PCDHA5: variants seen among roughly 807,000 people sequenced by gnomAD.
The protein encoded by PCDHA5 is protocadherin alpha 5, also known as protocadherin alpha-5.
PCDHA5 carries 43 observed loss-of-function variants against 61.6 expected under a neutral mutation model. That is an observed-to-expected ratio of 0.70 (90% CI 0.55 to 0.90). The LOEUF (loss-of-function observed/expected upper bound fraction) is 0.90, where lower values mean the gene tolerates loss of function less well. Among genes scored for constraint, PCDHA5 ranks in the 40% least tolerant of loss-of-function variants. PCDHA5 has a pLI of 0.00. For missense variants in PCDHA5, 1,298 were observed against 1,222.7 expected (o/e 1.06, Z -0.92); for synonymous variants, 627 against 543.9 (o/e 1.15, Z -2.13).
chr5:141,009,650 C>G lies in PCDHA5; in HGVS notation c.2524C>G (p.Pro842Ala). Residue 842 changes from proline to alanine, a missense_variant, in exon 4 of 4, where the codon CCT becomes GCT. Transcript: ENST00000529859. The part of the protein sequence containing the change: ...TPEPEAGEVS[P>A]PVGAGVNSNS... ...AGAACCAGAGGCAGGAGAAGTGTCCCCTCCAGTCGGTGCGGGTGTCAACAG... is the reference window on the plus strand; with the variant it reads ...AGAACCAGAGGCAGGAGAAGTGTCCGCTCCAGTCGGTGCGGGTGTCAACAG... 1 of 1,613,886 alleles carries G rather than the reference C, an allele frequency of 6.2e-7. No individual in the cohort carries two copies. Among genetic ancestry groups the G allele is most frequent in the Non-Finnish European group, 8.5e-7 (1 of 1,179,918 alleles).
rs781863404 is a variant in PCDHA5, at chr5:141,010,259, G to C, written c.*322G>C. 6.4e-7 allele frequency: 1 copy of C among 1,551,820 alleles called. No individual in the cohort carries two copies. The highest frequency in any genetic ancestry group is 1.2e-5 in the South Asian group (1 of 84,074). On this transcript the variant is annotated 3_prime_UTR_variant, in exon 4 of 4. Coordinates refer to ENST00000529859, the MANE Select transcript of PCDHA5 (RefSeq NM_018908.3). Reference sequence around the variant, plus strand: ...TGAGAGGTTGGACTCTCTGCCCTGTGCTCCGGGGATCCTGTCTTGATGACA... The same window carrying C: ...TGAGAGGTTGGACTCTCTGCCCTGTCCTCCGGGGATCCTGTCTTGATGACA...
chr5:140,842,130 A>C (rs2150330073), intron 1 of PCDHA5: 1 of 1,613,892 alleles, frequency 6.2e-7, no homozygotes, highest in Non-Finnish European at 8.5e-7. Flanking sequence ...TCTGATCCGG[A>C]TGAAGGAGCC....
At chr5:140,857,435 G>A (rs912006741) in intron 1 of PCDHA5, 4 of 1,598,574 alleles carry the variant, frequency 2.5e-6, no homozygotes, top group Admixed American at 3.4e-5. Flanking sequence ...CACGGTGTTC[G>A]TGAAGGAGAA....
chr5:140,921,741 A>AT (rs1554200411), intron 1 of PCDHA5, among the ~76,000 whole-genome samples: 1 of 152,202 alleles, frequency 6.6e-6, no homozygotes, highest in Non-Finnish European at 1.5e-5. Context: ...AATTATAAGC[A>AT]TAACAGGACA....
In PCDHA5 at chr5:140,978,014, A is replaced by C. The variant is rs939579655; in HGVS notation, c.2353-935A>C. ...AGTGTCACAAGTTTTTCACAGTGAC[A>C]TTTTTGCTTACTGATACAAGACAGT... On this transcript the variant is annotated intron_variant, in intron 1 of 3. Transcript: ENST00000529859. Among the ~76,000 whole-genome samples, 9 of 152,256 alleles carry C rather than the reference A, an allele frequency of 5.9e-5. 1 individual carries two copies. The highest frequency in any genetic ancestry group is 2.2e-4 in the African/African-American group (9 of 41,540).
At chr5:140,973,959 G>A (rs782474164) in intron 1 of PCDHA5, among the ~76,000 whole-genome samples, 2 of 152,198 alleles carry the variant, frequency 1.3e-5, no homozygotes, top group Admixed American at 6.5e-5. Flanking sequence ...TTTTACAGGT[G>A]TCTTTAAATG....
intron 1 of PCDHA5, chr5:140,842,671 C>A: frequency 1.9e-6 from 3 of 1,595,454 alleles, no homozygotes; most frequent in Non-Finnish European, 2.6e-6. Flanking sequence ...ACGTGAACGA[C>A]AATGCTCCGG....
chr5:140,897,613 A>C (rs1252972033), intron 1 of PCDHA5, among the ~76,000 whole-genome samples: 2 of 152,052 alleles, frequency 1.3e-5, no homozygotes, highest in Non-Finnish European at 2.9e-5. Flanking sequence ...GTTGGTTCCA[A>C]GTCTTTACTA....
rs1256665914 is a variant in PCDHA5 at position 140,917,331 on chromosome 5, G to A, written c.2353-61618G>A. On this transcript the variant is annotated intron_variant, in intron 1 of 3. Transcript: ENST00000529859. ...AATTTGGTGTTCATGTGGCGGGGGA[G>A]GGGGGGGATGGTGTAGGCTTCTGTT... Among the ~76,000 whole-genome samples the A allele has an allele frequency of 5.8e-5, 8 of 137,654 alleles. 1 individual carries two copies. The East Asian group carries it at 6.7e-4, about 12-fold the overall frequency. 90.3% of individuals were successfully genotyped at this position (137,654 alleles called of 152,430 possible).
intron 1 of PCDHA5, chr5:140,854,321 C>A: frequency 3.7e-6 from 1 of 267,696 alleles, no homozygotes; most frequent in Non-Finnish European, 5.7e-6. Context: ...TGATCAATGG[C>A]AAACTTATTT....
intron 1 of PCDHA5, chr5:140,860,447 A>T (rs1242809569): frequency 6.6e-6 from 1 of 152,198 alleles, no homozygotes; most frequent in East Asian, 1.9e-4. Context: ...TTTCATATTA[A>T]TTCACGTGAT....
intron 1 of PCDHA5, among the ~76,000 whole-genome samples, chr5:140,914,821 A>G (rs1046692794): frequency 6.6e-6 from 1 of 152,212 alleles, no homozygotes; most frequent in Non-Finnish European, 1.5e-5. Flanking sequence ...AACAGACTGC[A>G]TAAACAAAAA....
At chr5:140,833,795 C>G (rs959887752) in intron 1 of PCDHA5, among the ~76,000 whole-genome samples, 2 of 152,096 alleles carry the variant, frequency 1.3e-5, no homozygotes, top group African/African-American at 4.8e-5. Context: ...TTTCATCAAT[C>G]AGTAGATTCT....
At chr5:141,004,156 A>G (rs2098155888) in intron 3 of PCDHA5, among the ~76,000 whole-genome samples, 1 of 152,248 alleles carries the variant, frequency 6.6e-6, no homozygotes, top group Admixed American at 6.5e-5. Flanking sequence ...GACATTTTAT[A>G]GGCAAAGCCA....
intron 1 of PCDHA5, chr5:140,928,551 G>A (rs782615304): frequency 2.5e-6 from 4 of 1,614,044 alleles, no homozygotes; most frequent in Non-Finnish European, 2.5e-6. Context: ...ACAATTATCC[G>A]GTTATCTTGT....
intron 1 of PCDHA5, chr5:140,967,662 A>G: frequency 6.2e-7 from 1 of 1,614,192 alleles, no homozygotes; most frequent in Non-Finnish European, 8.5e-7. Context: ...TTGAGCAGCT[A>G]CACGTCGGAC....
intron 1 of PCDHA5, among the ~76,000 whole-genome samples, chr5:140,901,201 G>A (rs2068505084): frequency 6.6e-6 from 1 of 152,038 alleles, no homozygotes; most frequent in Admixed American, 6.6e-5. Context: ...CTGTGCAGAA[G>A]GTTTTTAAGT....
intron 1 of PCDHA5, among the ~76,000 whole-genome samples, chr5:140,899,649 G>T (rs1405894081): frequency 6.6e-6 from 1 of 152,130 alleles, no homozygotes; most frequent in Non-Finnish European, 1.5e-5. Flanking sequence ...CTCTTATTTG[G>T]TTGTGTCTCT....
Position 140,855,947 on chromosome 5 carries a change from T to A in PCDHA5, c.2352+31820T>A. On this transcript the variant is annotated intron_variant, in intron 1 of 3. Transcript: ENST00000529859. Reference sequence around the variant, plus strand: ...TAGCGTCATTCTGAGATCTCAGCCATTTCGATAAAAAATAGATATAAGAAA... The same window carrying A: ...TAGCGTCATTCTGAGATCTCAGCCAATTCGATAAAAAATAGATATAAGAAA... 2.9e-6 allele frequency: 4 copies of A among 1,358,712 alleles called. No homozygotes were observed. In the Admixed American group the frequency reaches 7.1e-5, roughly 24 times the overall value. The allele number at this position is 1,358,712 out of a possible 1,614,324, so 84.2% of individuals were successfully genotyped here. A position where few individuals can be genotyped will look rare whatever the true frequency, so the allele number is the denominator to read the frequency against.
Sources: allele counts gnomAD v4.1 joint callset (sites outside exome capture counted in the v4.1 genomes callset), GRCh38; gene constraint gnomAD v4.1.1; transcripts MANE v1.5; gene names NCBI Gene and HGNC (gene_info 2026-07-23, HGNC 2026-07-21).